Variants in LDB2 observed in about 807,000 individuals in gnomAD.
LDB2 encodes LIM domain binding 2.
In LDB2, 12 loss-of-function variants were observed where a neutral mutation model predicts 44.3. The observed-to-expected ratio is 0.27, with a 90% CI of 0.17 to 0.44. LDB2 has a LOEUF of 0.44. Ranked by LOEUF, LDB2 falls within the 20% of genes least tolerant of loss-of-function variation. The pLI, the probability that LDB2 is intolerant of heterozygous loss-of-function variation, is 1.00. For missense variants in LDB2, 344 were observed against 473.5 expected, an observed-to-expected ratio of 0.73 and a Z score of 2.54; for synonymous variants, 164 against 174.8, an observed-to-expected ratio of 0.94 and a Z score of 0.49.
chr4:16,751,077 C>A (rs1199717096), intron 2 of LDB2: 1 of 152,162 alleles, frequency 6.6e-6, no homozygotes, highest in Non-Finnish European at 1.5e-5. Context: ...AACATAGTCA[C>A]ACAGAGTCAG....
At chr4:16,618,063 G>A (rs963875914) in intron 2 of LDB2, among the ~76,000 whole-genome samples, 7 of 152,082 alleles carry the variant, frequency 4.6e-5, no homozygotes, top group Non-Finnish European at 8.8e-5. Flanking sequence ...GATTTCCACA[G>A]GCCAATTCTG....
chr4:16,579,081 G>A lies in LDB2; in HGVS notation c.615+6841C>T, dbSNP rs543938616. Among the ~76,000 whole-genome samples, 57 of 152,246 alleles carry A rather than the reference G, an allele frequency of 3.7e-4. No individual in the cohort carries two copies. In the East Asian group the frequency reaches 5.8e-3, roughly 15 times the overall value. ...CGGAAAAGGAGGATGGTTAATTGGT[G>A]CCCAAACAGAGTTAGAAAGAATTTT... On this transcript the variant is annotated intron_variant, in intron 5 of 7. Transcript: ENST00000304523.
At chr4:16,739,832 C>T (rs1166233409) in intron 2 of LDB2, among the ~76,000 whole-genome samples, 1 of 146,752 alleles carries the variant, frequency 6.8e-6, no homozygotes, top group Non-Finnish European at 1.5e-5. Context: ...ATTATAATCG[C>T]AATATAAAAA....
chr4:16,626,449 T>G (rs1253990866), intron 2 of LDB2, among the ~76,000 whole-genome samples: 1 of 152,208 alleles, frequency 6.6e-6, no homozygotes, highest in Non-Finnish European at 1.5e-5. Context: ...AGTTTGAAAT[T>G]GGTCACGAAT....
At chr4:16,679,015 C>T (rs1747089751) in intron 2 of LDB2, among the ~76,000 whole-genome samples, 1 of 152,180 alleles carries the variant, frequency 6.6e-6, no homozygotes, top group African/African-American at 2.4e-5. Context: ...TCCCTGACCT[C>T]ATTGTTAGGT....
In LDB2 at chr4:16,758,083, C is replaced by A. The variant is rs1029488312; in HGVS notation, c.235+1075G>T. 2.0e-5 allele frequency among the ~76,000 whole-genome samples: 3 copies of A among 152,256 alleles called. No individual in the cohort carries two copies. In the East Asian group the frequency reaches 5.8e-4, roughly 29 times the overall value. ...AACACTATTGCAGAATCACCATGTG[C>A]ATATATTAGCATAATTAATCAGTTA... is the stretch of plus-strand genomic sequence containing the variant. On this transcript the variant is annotated intron_variant, in intron 2 of 7. Coordinates refer to ENST00000304523, the MANE Select transcript of LDB2 (RefSeq NM_001290.5).
chr4:16,856,672 C>T (rs1789421024), intron 1 of LDB2, among the ~76,000 whole-genome samples: 1 of 152,150 alleles, frequency 6.6e-6, no homozygotes, highest in South Asian at 2.1e-4. Flanking sequence ...CCCTTAAGTA[C>T]TTACTCTAAA....
At chr4:16,831,946 A>G (rs1441399415) in intron 1 of LDB2, among the ~76,000 whole-genome samples, 1 of 152,196 alleles carries the variant, frequency 6.6e-6, no homozygotes, top group Non-Finnish European at 1.5e-5. Context: ...ATTGCAACCC[A>G]TGCATTGAGA....
intron 1 of LDB2, among the ~76,000 whole-genome samples, chr4:16,869,351 C>T (rs1025489127): frequency 2.7e-5 from 4 of 150,754 alleles, no homozygotes; most frequent in Non-Finnish European, 4.4e-5. Context: ...GGGAAAGGTG[C>T]TATGCTGACC....
At chr4:16,738,310 C>T (rs577680626) in intron 2 of LDB2, among the ~76,000 whole-genome samples, 2 of 152,290 alleles carry the variant, frequency 1.3e-5, no homozygotes, top group South Asian at 4.1e-4. Flanking sequence ...AAAGGGATTG[C>T]ACAACTTTGT....
At chr4:16,763,038 G>A (rs1270560517) in intron 1 of LDB2, among the ~76,000 whole-genome samples, 1 of 150,800 alleles carries the variant, frequency 6.6e-6, no homozygotes, top group Non-Finnish European at 1.5e-5. Context: ...AATTTCAGAA[G>A]AGGTCTGCTG....
At chr4:16,650,457 G>C (rs1737965389) in intron 2 of LDB2, among the ~76,000 whole-genome samples, 1 of 152,106 alleles carries the variant, frequency 6.6e-6, no homozygotes, top group South Asian at 2.1e-4. Context: ...GTGTGCTGGG[G>C]TTACAAAGAA....
chr4:16,521,341 C>T (rs757921730), intron 5 of LDB2, among the ~76,000 whole-genome samples: 1 of 152,114 alleles, frequency 6.6e-6, no homozygotes, highest in Admixed American at 6.5e-5. Flanking sequence ...TGGCTTGTAG[C>T]TGCATCACTC....
intron 2 of LDB2, among the ~76,000 whole-genome samples, chr4:16,737,221 T>C (rs1762074388): frequency 6.6e-6 from 1 of 152,142 alleles, no homozygotes; most frequent in Non-Finnish European, 1.5e-5. Context: ...TTTTCTTCAC[T>C]TATTTAATTT....
At chr4:16,575,737 T>C (rs756982856) in intron 5 of LDB2, among the ~76,000 whole-genome samples, 16 of 152,174 alleles carry the variant, frequency 1.1e-4, no homozygotes, top group Non-Finnish European at 1.9e-4. Flanking sequence ...AGAAGGAAAT[T>C]GAAACTTTTT....
In LDB2 at chr4:16,739,684, A is replaced by G. The variant is rs6810535; in HGVS notation, c.235+19474T>C. Among the ~76,000 whole-genome samples, 57 of 82,500 alleles carry G rather than the reference A, an allele frequency of 6.9e-4. 5 individuals carry two copies. The highest frequency in any genetic ancestry group is 2.5e-3 in the African/African-American group (51 of 20,478). The allele number at this position is 82,500 out of a possible 152,430, so 54.1% of individuals were successfully genotyped here. ...TATGTATATATACATATGTGTGTAT[A>G]TATGTATATATACATATATGTGTAT... On this transcript the variant is annotated intron_variant, in intron 2 of 7. Transcript: ENST00000304523.
Position 16,808,459 on chromosome 4 carries a change from TC to T in LDB2, c.133-49200del, listed in dbSNP as rs1779195853. Among the ~76,000 whole-genome samples the T allele has an allele frequency of 2.0e-5, 3 of 152,326 alleles. No individual in the cohort carries two copies. The South Asian group carries it at 6.2e-4, about 32-fold the overall frequency. ...AGCCTGAAAGTTTAGTGCAGTTGACTCCTTTGAGGTTTTTGTTGTGTTTTGA... is the reference window on the plus strand; with the variant it reads ...AGCCTGAAAGTTTAGTGCAGTTGACTCTTTGAGGTTTTTGTTGTGTTTTGA... On this transcript the variant is annotated intron_variant, in intron 1 of 7. Coordinates refer to ENST00000304523, the MANE Select transcript of LDB2 (RefSeq NM_001290.5).
intron 2 of LDB2, among the ~76,000 whole-genome samples, chr4:16,744,464 G>A (rs1432498808): frequency 6.6e-6 from 1 of 150,484 alleles, no homozygotes. Context: ...GCCAAGTCAC[G>A]TGATTTTTTT....
chr4:16,832,103 AC>A (rs1385802278), intron 1 of LDB2, among the ~76,000 whole-genome samples: 1 of 152,210 alleles, frequency 6.6e-6, no homozygotes, highest in African/African-American at 2.4e-5. Flanking sequence ...TTACAGCTGA[AC>A]ATAGTCCCAA....
Sources: gnomAD v4.1 joint callset for allele counts (sites outside exome capture counted in the v4.1 genomes callset) on GRCh38, gnomAD v4.1.1 for gene constraint, MANE v1.5 for transcripts, NCBI Gene and HGNC (gene_info 2026-07-23, HGNC 2026-07-21) for gene names.